Variants in PKD2L2 observed in about 807,000 individuals in gnomAD.
PKD2L2 encodes polycystin-2-like protein 2.
A neutral mutation model predicts 83.9 loss-of-function variants in PKD2L2; 67 were observed. That is an observed-to-expected ratio of 0.80 (90% CI 0.66 to 0.98). PKD2L2 has a LOEUF of 0.98. PKD2L2 is among the 50% of genes least tolerant of loss of function. The pLI, the probability that PKD2L2 is intolerant of heterozygous loss-of-function variation, is 0.00. For missense variants in PKD2L2, 632 were observed against 717.2 expected (o/e 0.88, Z 1.36); for synonymous variants, 223 against 237.8 (o/e 0.94, Z 0.57).
At chr5:137,908,150 C>CA (rs1757512475) in intron 7 of PKD2L2, among the ~76,000 whole-genome samples, 2 of 151,816 alleles carry the variant, frequency 1.3e-5, no homozygotes, top group African/African-American at 4.8e-5. Flanking sequence ...CAAAAAATAT[C>CA]AAAAAAATAT....
chr5:137,934,656 A>G (rs1760163404), intron 12 of PKD2L2, among the ~76,000 whole-genome samples: 1 of 152,180 alleles, frequency 6.6e-6, no homozygotes, highest in Admixed American at 6.5e-5. Context: ...AAAAAAAAAT[A>G]CAAAAATTAG....
rs529474865 is a variant in PKD2L2 at position 137,939,952 on chromosome 5, G to A, written c.*18-2432G>A. 3.6e-4 allele frequency: 518 copies of A among 1,420,960 alleles called. 8 individuals are homozygous for A. The South Asian group carries it at 8.3e-3, about 23-fold the overall frequency. The allele number at this position is 1,420,960 out of a possible 1,614,324, so 88.0% of individuals were successfully genotyped here. A position where few individuals can be genotyped will look rare whatever the true frequency, so the allele number is the denominator to read the frequency against. ...TAAAATTCCAGTCTTTTGCTAAAAG[G>A]ATGTATCTGTAGTACAAAACAATGA... On this transcript the variant is annotated intron_variant, in intron 14 of 14. Transcript: ENST00000508883.
Position 137,894,473 on chromosome 5 carries a change from A to G in PKD2L2, c.388A>G (p.Arg130Gly). 1.2e-6 allele frequency: 2 copies of G among 1,614,002 alleles called. No homozygotes were observed. Among genetic ancestry groups the G allele is most frequent in the Non-Finnish European group, 8.5e-7 (1 of 1,179,920 alleles). The change falls in exon 4 of 15, where the codon AGA becomes GGA. Residue 130 changes from arginine to glycine, a missense_variant. Transcript: ENST00000508883. Reference sequence around the variant, plus strand: ...TGAAAATATACTTCTAGGAGTTCCCAGAGTTCGTCAACTAAAAGTCCGCAA... The same window carrying G: ...TGAAAATATACTTCTAGGAGTTCCCGGAGTTCGTCAACTAAAAGTCCGCAA... ...YYENILLGVP[R>G]VRQLKVRNNT...
intron 14 of PKD2L2, among the ~76,000 whole-genome samples, chr5:137,937,572 C>T (rs1760556606): frequency 6.6e-6 from 1 of 152,218 alleles, no homozygotes; most frequent in Non-Finnish European, 1.5e-5. Context: ...CAGCACTCAA[C>T]TTCCACATTG....
intron 12 of PKD2L2, among the ~76,000 whole-genome samples, chr5:137,935,163 A>T (rs1020554982): frequency 6.6e-6 from 1 of 152,176 alleles, no homozygotes; most frequent in Non-Finnish European, 1.5e-5. Context: ...TGCTATGGTT[A>T]TTTTCCACAA....
At chr5:137,910,234 T>C (rs1160785961) in intron 8 of PKD2L2, among the ~76,000 whole-genome samples, 2 of 29,760 alleles carry the variant, frequency 6.7e-5, no homozygotes. Context: ...TCTAAAACAA[T>C]AATAATAATA....
In PKD2L2 at chr5:137,907,870, C is replaced by A; in HGVS notation, c.1104C>A (p.Tyr368Ter). 6.7e-7 allele frequency: 1 copy of A among 1,495,908 alleles called. No individual in the cohort carries two copies. The highest frequency in any genetic ancestry group is 9.2e-7 in the Non-Finnish European group (1 of 1,083,128). The allele number at this position is 1,495,908 out of a possible 1,614,324, so 92.7% of individuals were successfully genotyped here. A position where few individuals can be genotyped will look rare whatever the true frequency, so the allele number is the denominator to read the frequency against. Residue 368 changes from tyrosine to a stop codon, truncating the protein, a stop_gained, in exon 7 of 15, where the codon TAC (tyrosine) becomes TAA (stop). Coordinates refer to ENST00000508883, the MANE Select transcript of PKD2L2 (RefSeq NM_001300921.2). LOFTEE classifies it high-confidence loss of function. ...TTCTTGCATGCTGGCACATTTATTA[C>A]AATAATATAATTGCTATTACCATCT... ...FYFLACWHIY[Y>*]NNIIAITIFF...
chr5:137,920,659 A>C (rs995451639), intron 8 of PKD2L2, among the ~76,000 whole-genome samples: 3 of 151,876 alleles, frequency 2.0e-5, no homozygotes, highest in African/African-American at 2.4e-5. Flanking sequence ...CAGGAGGCTG[A>C]GGCAGGAGAA....
At chr5:137,935,668 G>A (rs1466886200) in intron 12 of PKD2L2, 129 bp from the exon 13 acceptor site, 8 of 604,712 alleles carry the variant, frequency 1.3e-5, no homozygotes, top group Admixed American at 3.2e-5. Flanking sequence ...CAAAAAGTCA[G>A]CAGGGCTCAA....
rs1207263757 is a variant in PKD2L2 at position 137,906,327 on chromosome 5, T to C, written c.868T>C (p.Cys290Arg). The C allele has an allele frequency of 1.2e-6, 2 of 1,606,282 alleles. No individual in the cohort carries two copies. Among genetic ancestry groups the C allele is most frequent in the South Asian group, 2.2e-5 (2 of 90,868 alleles). ...TATTGCTTCCTGTGAAATCACATTC[T>C]GTATTTTTCTTTTTGTCTTCACAAC... ...YFIASCEITF[C>R]IFLFVFTTQE... Residue 290 changes from cysteine to arginine, a missense_variant, in exon 6 of 15, where the codon TGT becomes CGT. Around this residue, in one of 3 missense-constraint regions of PKD2L2, gnomAD observed 399 missense variants for 416.9 expected, o/e 0.96. Transcript: ENST00000508883.
chr5:137,907,365 TG>T, intron 6 of PKD2L2, among the ~76,000 whole-genome samples: 1 of 152,358 alleles, frequency 6.6e-6, no homozygotes, highest in East Asian at 1.9e-4. Flanking sequence ...TTTTATTTTT[TG>T]TAATTGTAAA....
chr5:137,920,621 G>A (rs191355805), intron 8 of PKD2L2, among the ~76,000 whole-genome samples: 151 of 152,170 alleles, frequency 9.9e-4, no homozygotes, highest in Non-Finnish European at 2.0e-3. Flanking sequence ...GCTGGGCGTG[G>A]TGGCACACGC....
intron 12 of PKD2L2, among the ~76,000 whole-genome samples, chr5:137,928,572 C>T (rs1000427200): frequency 6.6e-6 from 1 of 152,196 alleles, no homozygotes; most frequent in Non-Finnish European, 1.5e-5. Context: ...GCTGGGACTA[C>T]AGGCATGCGC....
At chr5:137,925,486 G>A (rs575610295) in intron 11 of PKD2L2, among the ~76,000 whole-genome samples, 21 of 152,124 alleles carry the variant, frequency 1.4e-4, no homozygotes, top group Non-Finnish European at 2.4e-4. Flanking sequence ...AAAGCTGGAG[G>A]GGACCATAAA....
rs190541097 is a variant in PKD2L2, at chr5:137,930,757, A to T, written c.1671+4828A>T. Among the ~76,000 whole-genome samples, 734 of 151,928 alleles carry T rather than the reference A, an allele frequency of 4.8e-3. 4 individuals are homozygous for T. The highest frequency in any genetic ancestry group is 0.01 in the Middle Eastern group (3 of 294). On this transcript the variant is annotated intron_variant, in intron 12 of 14. Coordinates refer to ENST00000508883, the MANE Select transcript of PKD2L2 (RefSeq NM_001300921.2). ...TAGCAGAATCTGAGATAAAGTAAAA[A>T]AAAAATACTCAGAGGAAAATTAAGT...
At chr5:137,934,535 G>A (rs748415197) in intron 12 of PKD2L2, among the ~76,000 whole-genome samples, 22 of 152,090 alleles carry the variant, frequency 1.4e-4, no homozygotes, top group Non-Finnish European at 2.9e-4. Context: ...AAGGCTGGGC[G>A]CGGTGGCTCG....
chr5:137,908,679 G>T (rs544615322), intron 7 of PKD2L2, 86 bp from the exon 8 acceptor site: 3 of 667,558 alleles, frequency 4.5e-6, no homozygotes, highest in Non-Finnish European at 7.4e-6. Flanking sequence ...CCTTTAATTC[G>T]AAGCAGAATT....
At chr5:137,925,819 G>A in intron 11 of PKD2L2, 56 bp from the exon 12 acceptor site, 2 of 981,932 alleles carry the variant, frequency 2.0e-6, no homozygotes, top group Non-Finnish European at 3.2e-6. Context: ...ACTTTATGGT[G>A]GCATTTCCTT....
intron 9 of PKD2L2, among the ~76,000 whole-genome samples, chr5:137,922,114 T>TA (rs1192843948): frequency 6.6e-6 from 1 of 152,282 alleles, no homozygotes; most frequent in African/African-American, 2.4e-5. Context: ...GCTAAACACT[T>TA]ACCACGTTGT....
Sources: allele counts gnomAD v4.1 joint callset (sites outside exome capture counted in the v4.1 genomes callset), GRCh38; gene constraint gnomAD v4.1.1; regional missense constraint gnomAD v4.1.1; transcripts MANE v1.5; gene names NCBI Gene and HGNC (gene_info 2026-07-23, HGNC 2026-07-21).